The following LRFN5 variants were observed in gnomAD, a reference collection of about 807,000 sequenced individuals.
LRFN5 encodes the protein leucine rich repeat and fibronectin type III domain containing 5.
A neutral mutation model predicts 45.6 loss-of-function variants in LRFN5; 24 were observed. The ratio of observed to expected loss-of-function variants is 0.53; its 90% CI spans 0.38 to 0.74. LRFN5 has a LOEUF of 0.74. Ranked by LOEUF, LRFN5 falls within the 30% of genes least tolerant of loss-of-function variation. The pLI, the probability that LRFN5 is intolerant of heterozygous loss-of-function variation, is 0.00. For missense variants in LRFN5, 776 were observed against 861.5 expected, an observed-to-expected ratio of 0.90 and a Z score of 1.24; for synonymous variants, 340 against 313.8, an observed-to-expected ratio of 1.08 and a Z score of -0.88.
intron 1 of LRFN5, among the ~76,000 whole-genome samples, chr14:41,760,166 C>T (rs138905165): frequency 5.9e-5 from 9 of 152,158 alleles, no homozygotes; most frequent in East Asian, 1.9e-4. Context: ...AGTAAAAATA[C>T]GGAAAAGTTC....
At chr14:41,839,905 A>C (rs1888800323) in intron 2 of LRFN5, among the ~76,000 whole-genome samples, 1 of 152,096 alleles carries the variant, frequency 6.6e-6, no homozygotes. Context: ...CAGCCAAAGA[A>C]TCACCAAATC....
intron 2 of LRFN5, among the ~76,000 whole-genome samples, chr14:41,767,259 T>A (rs2138883099): frequency 1.3e-5 from 2 of 152,266 alleles, no homozygotes; most frequent in Middle Eastern, 6.8e-3. Flanking sequence ...TGATTTTTTT[T>A]TTTAGGATTT....
At chr14:41,708,047 T>C (rs745551716) in intron 1 of LRFN5, among the ~76,000 whole-genome samples, 17 of 152,182 alleles carry the variant, frequency 1.1e-4, no homozygotes, top group Middle Eastern at 6.8e-3. Context: ...ATTAACAAAT[T>C]ATCAAAACCA....
chr14:41,696,248 T>C (rs1051056280), intron 1 of LRFN5, among the ~76,000 whole-genome samples: 1 of 151,946 alleles, frequency 6.6e-6, no homozygotes, highest in Non-Finnish European at 1.5e-5. Context: ...GCAAAGAATG[T>C]AGTCTTTTCA....
In LRFN5 at chr14:41,891,555, C is replaced by T. The variant is rs150568237; in HGVS notation, c.1691C>T (p.Thr564Ile). The change falls in exon 4 of 6, where the codon ACC (threonine) becomes ATC (isoleucine). Residue 564 changes from threonine (T) to isoleucine (I), a missense_variant. Around this residue, in one of 2 missense-constraint regions of LRFN5, gnomAD observed 465 missense variants for 456.4 expected, o/e 1.02. Transcript: ENST00000298119. ...AACAATAATGGGCAACACAAGGTCA[C>T]CAAGGTTAGCAATGTTTATTCCCAA... ...VCNNNGQHKV[T>I]KVSNVYSQTN... The T allele has an allele frequency of 2.0e-5, 33 of 1,614,126 alleles. No homozygotes were observed. The East Asian group carries it at 6.5e-4, about 32-fold the overall frequency.
chr14:41,887,803 G>C lies in LRFN5; in HGVS notation c.1178G>C (p.Gly393Ala). The change falls in exon 3 of 6, where the codon GGT becomes GCT. Residue 393 changes from glycine (G) to alanine (A), a missense_variant. Gly to Ala is a moderately conservative substitution (Grantham distance 60). This residue lies in a region of LRFN5 where 465 missense variants were observed against 456.4 expected (regional missense o/e 1.02). Coordinates refer to ENST00000298119, the MANE Select transcript of LRFN5 (RefSeq NM_152447.5). This position sits in a 1 kb window ranked among gnomAD's most constrained non-coding sequence, Gnocchi z 4.8. ...AACCATATCCATGAGCCTGATCCTG[G>C]TTCTTCAGATATCTCAACTTCTACC... Reference protein sequence around the residue: ...STNHIHEPDPGSSDISTSTKS... With the variant: ...STNHIHEPDPASSDISTSTKS... The C allele has an allele frequency of 6.2e-7, 1 of 1,613,916 alleles. No homozygotes were observed. The highest frequency in any genetic ancestry group is 8.5e-7 in the Non-Finnish European group (1 of 1,179,962).
At chr14:41,674,150 C>T (rs1234054651) in intron 1 of LRFN5, among the ~76,000 whole-genome samples, 3 of 131,768 alleles carry the variant, frequency 2.3e-5, no homozygotes, top group African/African-American at 8.7e-5. Flanking sequence ...TAGGGGCGGC[C>T]GGGCAGAGGC....
intron 1 of LRFN5, among the ~76,000 whole-genome samples, chr14:41,704,760 C>A (rs1469798427): frequency 2.0e-5 from 3 of 151,886 alleles, no homozygotes; most frequent in African/African-American, 4.8e-5. Context: ...TTCCTATTAT[C>A]GTTCCTTAGT....
chr14:41,676,865 G>T (rs1479595394), intron 1 of LRFN5, among the ~76,000 whole-genome samples: 4 of 152,182 alleles, frequency 2.6e-5, no homozygotes, highest in Non-Finnish European at 4.4e-5. Flanking sequence ...GGAAGACTGT[G>T]CATTCTCAAG....
intron 2 of LRFN5, among the ~76,000 whole-genome samples, chr14:41,843,096 T>C (rs1410062577): frequency 6.7e-6 from 1 of 149,898 alleles, no homozygotes; most frequent in Non-Finnish European, 1.5e-5. Context: ...CTTTTTTTTT[T>C]TTTTTTTAAT....
intron 2 of LRFN5, among the ~76,000 whole-genome samples, chr14:41,865,322 T>G (rs1889802037): frequency 6.6e-6 from 1 of 152,206 alleles, no homozygotes; most frequent in Admixed American, 6.5e-5. Flanking sequence ...GGAATTGTAT[T>G]ATATGCAGTA....
intron 1 of LRFN5, among the ~76,000 whole-genome samples, chr14:41,704,430 C>CTGTGTGTGTGTGTG (rs1265063122): frequency 1.2e-4 from 5 of 40,140 alleles, no homozygotes; most frequent in African/African-American, 1.2e-3. Flanking sequence ...CTCTCTCTCT[C>CTGTGTGTGTGTGTG]TCTCTCTCTC....
intron 1 of LRFN5, among the ~76,000 whole-genome samples, chr14:41,650,264 CACAA>C (rs1195078530): frequency 1.6e-4 from 21 of 130,478 alleles, no homozygotes; most frequent in African/African-American, 5.5e-4. Flanking sequence ...CACACACACA[CACAA>C]AAAAAAAAAA....
intron 2 of LRFN5, among the ~76,000 whole-genome samples, chr14:41,820,846 T>C (rs954570294): frequency 1.3e-5 from 2 of 152,038 alleles, no homozygotes; most frequent in Admixed American, 6.6e-5. Flanking sequence ...GGGTTAAATA[T>C]ATCCTGAGAT....
intron 1 of LRFN5, among the ~76,000 whole-genome samples, chr14:41,683,091 A>C (rs1163143323): frequency 1.3e-5 from 2 of 152,206 alleles, no homozygotes; most frequent in African/African-American, 4.8e-5. Flanking sequence ...TAGCAAATCA[A>C]ATTCAACAAT....
At chr14:41,797,262 G>A (rs1429500065) in intron 2 of LRFN5, among the ~76,000 whole-genome samples, 3 of 151,442 alleles carry the variant, frequency 2.0e-5, no homozygotes, top group African/African-American at 7.3e-5. Context: ...ATTTATTTGG[G>A]TGTTAATTTT....
At chr14:41,787,407 G>C (rs529107313) in intron 2 of LRFN5, among the ~76,000 whole-genome samples, 1 of 152,154 alleles carries the variant, frequency 6.6e-6, no homozygotes, top group Admixed American at 6.6e-5. Context: ...CACACAGAAA[G>C]TTGAAGCAGT....
At chr14:41,822,965 CTCCT>C (rs1048267979) in intron 2 of LRFN5, among the ~76,000 whole-genome samples, 1 of 149,864 alleles carries the variant, frequency 6.7e-6, no homozygotes, top group African/African-American at 2.4e-5. Context: ...AGTGTAGCTA[CTCCT>C]GCTCACTTTT....
At chr14:41,686,811 G>A (rs991075070) in intron 1 of LRFN5, among the ~76,000 whole-genome samples, 1 of 152,110 alleles carries the variant, frequency 6.6e-6, no homozygotes, top group Admixed American at 6.5e-5. Context: ...GGATGAAGCT[G>A]ACTTGATCAT....
Sources: gnomAD v4.1 joint callset for allele counts (sites outside exome capture counted in the v4.1 genomes callset) on GRCh38, gnomAD v4.1.1 for gene constraint, gnomAD v4.1.1 regional missense constraint, Gnocchi (gnomAD v3.1) non-coding constraint, MANE v1.5 for transcripts, NCBI Gene and HGNC (gene_info 2026-07-23, HGNC 2026-07-21) for gene names.